PCMT1: variants seen among roughly 807,000 people sequenced by gnomAD.
PCMT1 encodes protein-L-isoaspartate(D-aspartate) O-methyltransferase.
Under a neutral mutation model 29.2 loss-of-function variants are expected in PCMT1, and 9 were observed. The observed-to-expected ratio is 0.31, with a 90% CI of 0.19 to 0.54. The LOEUF (loss-of-function observed/expected upper bound fraction) is 0.54, where lower values mean the gene tolerates loss of function less well. Among genes scored for constraint, PCMT1 ranks in the 20% least tolerant of loss-of-function variants. PCMT1 has a pLI of 0.95. For synonymous variants in PCMT1, 98 were observed against 97.5 expected, an observed-to-expected ratio of 1.00 and a Z score of -0.03; for missense variants, 184 against 282.2, an observed-to-expected ratio of 0.65 and a Z score of 2.49.
chr6:149,806,869 G>A (rs1776033103), intron 7 of PCMT1, among the ~76,000 whole-genome samples: 1 of 152,140 alleles, frequency 6.6e-6, no homozygotes, highest in Non-Finnish European at 1.5e-5. Flanking sequence ...TGGGATTACA[G>A]GCTTGAGCCA....
At chr6:149,759,084 C>T (rs1243852232) in intron 1 of PCMT1, among the ~76,000 whole-genome samples, 2 of 152,100 alleles carry the variant, frequency 1.3e-5, no homozygotes, top group Non-Finnish European at 2.9e-5. Flanking sequence ...ACCAAGTTGG[C>T]CAGGATGGTC....
chr6:149,794,328 A>T (rs1287501199), intron 5 of PCMT1, among the ~76,000 whole-genome samples: 1 of 152,188 alleles, frequency 6.6e-6, no homozygotes, highest in Non-Finnish European at 1.5e-5. Flanking sequence ...TGTTTAAAAG[A>T]TAAAATATTG....
chr6:149,805,321 C>T (rs547879762), intron 7 of PCMT1, among the ~76,000 whole-genome samples: 11 of 152,020 alleles, frequency 7.2e-5, no homozygotes, highest in South Asian at 2.1e-4. Flanking sequence ...AGGCTGGGCG[C>T]AGTGGCTCAC....
intron 1 of PCMT1, among the ~76,000 whole-genome samples, chr6:149,756,762 G>A (rs1786527954): frequency 6.6e-6 from 1 of 151,134 alleles, no homozygotes; most frequent in South Asian, 2.1e-4. Context: ...AAGTCCAGAG[G>A]CCTTCTCATT....
chr6:149,790,396 G>T (rs1008295839), intron 4 of PCMT1, among the ~76,000 whole-genome samples: 11 of 152,120 alleles, frequency 7.2e-5, no homozygotes, highest in African/African-American at 2.7e-4. Flanking sequence ...CCACATGTTG[G>T]TGTCATTATC....
intron 7 of PCMT1, among the ~76,000 whole-genome samples, chr6:149,804,482 C>G (rs1402092708): frequency 6.6e-6 from 1 of 152,052 alleles, no homozygotes; most frequent in Non-Finnish European, 1.5e-5. Context: ...TCTAGGTTTT[C>G]TCTGACCCTG....
At chr6:149,801,511 G>T (rs915308042) in intron 6 of PCMT1, among the ~76,000 whole-genome samples, 7 of 152,106 alleles carry the variant, frequency 4.6e-5, no homozygotes, top group Non-Finnish European at 1.0e-4. Context: ...GTGGTGGCGT[G>T]ATCTTGGCTA....
At chr6:149,793,160 CTCAA>C (rs1562419748) in intron 4 of PCMT1, among the ~76,000 whole-genome samples, 6 of 98,718 alleles carry the variant, frequency 6.1e-5, no homozygotes, top group African/African-American at 3.0e-4. Flanking sequence ...GAGACTCTCT[CTCAA>C]AAAAAAAAAA....
rs372773939 is a variant in PCMT1, at chr6:149,769,308, C to CTTTTTTT, written c.56-1836_56-1830dup. 3.8e-3 allele frequency among the ~76,000 whole-genome samples: 275 copies of CTTTTTTT among 71,502 alleles called. 52 individuals are homozygous for CTTTTTTT. The highest frequency in any genetic ancestry group is 9.0e-3 in the African/African-American group (105 of 11,682). 46.9% of individuals were successfully genotyped at this position (71,502 alleles called of 152,430 possible). A position where few individuals can be genotyped will look rare whatever the true frequency, so the allele number is the denominator to read the frequency against. ...AGTTAGCACCTATTTGTGCAGGATT[C>CTTTTTTT]TTTTTTTTTTTTTTTTTTTTTTTTG... On this transcript the variant is annotated intron_variant, in intron 1 of 7. Transcript: ENST00000464889.
intron 1 of PCMT1, among the ~76,000 whole-genome samples, chr6:149,760,217 A>C (rs907283174): frequency 1.3e-5 from 2 of 152,004 alleles, no homozygotes; most frequent in Non-Finnish European, 2.9e-5. Context: ...GCCTTTTTAG[A>C]GTCTTATATA....
intron 1 of PCMT1, among the ~76,000 whole-genome samples, chr6:149,766,010 C>T (rs1337177816): frequency 1.3e-5 from 2 of 149,134 alleles, no homozygotes; most frequent in African/African-American, 5.0e-5. Context: ...TCTGGTTTAT[C>T]AGTATGAAAT....
At chr6:149,796,640 C>G (rs1421717648) in intron 6 of PCMT1, 140 bp downstream of exon 6, 2 of 563,540 alleles carry the variant, frequency 3.5e-6, no homozygotes, top group African/African-American at 1.9e-5. Context: ...AGCTGTTACT[C>G]TTTTCTTTTT....
chr6:149,796,414 G>T lies in PCMT1; in HGVS notation c.419-1G>T. 6.2e-7 allele frequency: 1 copy of T among 1,609,918 alleles called. No individual in the cohort carries two copies. Among genetic ancestry groups the T allele is most frequent in the Non-Finnish European group, 8.5e-7 (1 of 1,177,744 alleles). On this transcript the variant is annotated splice_acceptor_variant, in intron 5 of 7. Coordinates refer to ENST00000464889, the MANE Select transcript of PCMT1 (RefSeq NM_001360452.2). LOFTEE classifies it high-confidence loss of function. ...TTAAAGCATAGCTGTTTTTCTTTCA[G>T]TGGGGGATGGAAGAATGGGATATGC...
intron 6 of PCMT1, among the ~76,000 whole-genome samples, chr6:149,801,644 C>G (rs374653447): frequency 6.6e-6 from 1 of 151,990 alleles, no homozygotes; most frequent in African/African-American, 2.4e-5. Context: ...GTTGGAGTTT[C>G]ACTGTGTTGG....
At chr6:149,786,698 G>A (rs9766290) in intron 3 of PCMT1, among the ~76,000 whole-genome samples, 9,435 of 109,044 alleles carry the variant, frequency 0.087, no homozygotes, top group East Asian at 0.24. Flanking sequence ...GGGCAGAGGC[G>A]CTCCTCACAT....
At chr6:149,765,176 C>T (rs1170432387) in intron 1 of PCMT1, among the ~76,000 whole-genome samples, 1 of 150,672 alleles carries the variant, frequency 6.6e-6, no homozygotes, top group African/African-American at 2.4e-5. Context: ...CTGGCTAACA[C>T]GGTGAAACCC....
At chr6:149,767,164 G>A (rs1013219812) in intron 1 of PCMT1, among the ~76,000 whole-genome samples, 3 of 151,948 alleles carry the variant, frequency 2.0e-5, no homozygotes, top group Non-Finnish European at 4.4e-5. Flanking sequence ...CCGAGATCAC[G>A]CCACTGCACT....
At chr6:149,773,901 C>G (rs892324926) in intron 3 of PCMT1, among the ~76,000 whole-genome samples, 3 of 152,120 alleles carry the variant, frequency 2.0e-5, no homozygotes, top group African/African-American at 7.2e-5. Context: ...AGTATAAGAG[C>G]CATTAAGCTG....
chr6:149,787,052 G>A (rs1788134210), intron 3 of PCMT1, among the ~76,000 whole-genome samples: 1 of 133,130 alleles, frequency 7.5e-6, no homozygotes, highest in Non-Finnish European at 1.5e-5. Flanking sequence ...CGAGGCTGGT[G>A]GATCACTCCG....
Sources: gnomAD v4.1 joint callset for allele counts (sites outside exome capture counted in the v4.1 genomes callset) on GRCh38, gnomAD v4.1.1 for gene constraint, MANE v1.5 for transcripts, NCBI Gene and HGNC (gene_info 2026-07-23, HGNC 2026-07-21) for gene names.